The following ZNF503 variants were observed in gnomAD, a reference collection of about 807,000 sequenced individuals.
ZNF503 encodes the protein zinc finger protein 503.
A neutral mutation model predicts 34.4 loss-of-function variants in ZNF503; 15 were observed. The ratio of observed to expected loss-of-function variants is 0.44; its 90% CI spans 0.29 to 0.67. The LOEUF (loss-of-function observed/expected upper bound fraction) is 0.67, where lower values mean the gene tolerates loss of function less well. Among genes scored for constraint, ZNF503 ranks in the 30% least tolerant of loss-of-function variants. The probability of loss-of-function intolerance (pLI) is 0.13; values close to 1 mark genes in which losing one functional copy is unlikely to be tolerated. For missense variants in ZNF503, 1,007 were observed against 926.8 expected, an observed-to-expected ratio of 1.09 and a Z score of -1.12; for synonymous variants, 580 against 456.8, an observed-to-expected ratio of 1.27 and a Z score of -3.44.
At chr10:75,353,912 A>C in the ZNF503 span, among the ~76,000 whole-genome samples, 1 of 152,214 alleles carries the variant, frequency 6.6e-6, no homozygotes, top group African/African-American at 2.4e-5. Context: ...CTGCTGCCAA[A>C]GTGAGCTCAG....
chr10:75,328,411 A>G, the ZNF503 span, among the ~76,000 whole-genome samples: 4 of 152,216 alleles, frequency 2.6e-5, no homozygotes, highest in Non-Finnish European at 2.9e-5. Context: ...GTAAACACAT[A>G]TATTTATTTC....
the ZNF503 span, among the ~76,000 whole-genome samples, chr10:75,363,223 C>A: frequency 6.6e-6 from 1 of 152,190 alleles, no homozygotes; most frequent in African/African-American, 2.4e-5. Context: ...GTCACAGCCC[C>A]CAGCCCGGGA....
chr10:75,393,662 G>T (rs758126383), downstream of ZNF503, among the ~76,000 whole-genome samples: 23 of 152,158 alleles, frequency 1.5e-4, no homozygotes, highest in Non-Finnish European at 2.8e-4. Context: ...TTTGAGACCA[G>T]CCTGGCCAAC....
chr10:75,398,869 C>T lies in ZNF503; in HGVS notation c.1821G>A (p.Lys607=), dbSNP rs773426727. 2.6e-6 allele frequency: 4 copies of T among 1,517,224 alleles called. No individual in the cohort carries two copies. Among genetic ancestry groups the T allele is most frequent in the East Asian group, 4.6e-5 (2 of 43,316 alleles). The allele number at this position is 1,517,224 out of a possible 1,614,324, so 94.0% of individuals were successfully genotyped here. Residue 607 remains lysine (K), a synonymous_variant, in exon 2 of 2, where the codon AAG becomes AAA. Coordinates refer to ENST00000372524, the MANE Select transcript of ZNF503 (RefSeq NM_032772.6). ...GLSSRYHPYS[K]SPLPTPGAPV... ...GGGCGCCAGGCGTGGGAAGCGGGCT[C>T]TTGGAGTAGGGGTGGTAGCGGCTGC...
chr10:75,335,454 G>T, the ZNF503 span, among the ~76,000 whole-genome samples: 7 of 152,150 alleles, frequency 4.6e-5, no homozygotes, highest in African/African-American at 1.7e-4. Context: ...AAACTCTTGA[G>T]AACCCAGCCA....
At chr10:75,306,173 A>C in the ZNF503 span, among the ~76,000 whole-genome samples, 11 of 152,128 alleles carry the variant, frequency 7.2e-5, no homozygotes, top group African/African-American at 2.7e-4. Context: ...AAGGGTTTCA[A>C]TTTCTCCACA....
the ZNF503 span, among the ~76,000 whole-genome samples, chr10:75,342,661 G>A: frequency 1.3e-5 from 2 of 149,338 alleles, no homozygotes; most frequent in Non-Finnish European, 3.0e-5. Flanking sequence ...GCCTCCCGGT[G>A]GTGGGGCGGG....
At chr10:75,330,059 A>G in the ZNF503 span, among the ~76,000 whole-genome samples, 1 of 152,226 alleles carries the variant, frequency 6.6e-6, no homozygotes, top group Non-Finnish European at 1.5e-5. Context: ...AGCTTTAATT[A>G]TGAATGAATG....
the ZNF503 span, among the ~76,000 whole-genome samples, chr10:75,391,792 C>A: frequency 1.3e-5 from 2 of 151,892 alleles, no homozygotes; most frequent in Admixed American, 1.3e-4. Context: ...TCTTTCCTTC[C>A]TTTTCCTTCC....
chr10:75,307,748 T>G, the ZNF503 span, among the ~76,000 whole-genome samples: 5 of 152,196 alleles, frequency 3.3e-5, no homozygotes, highest in Admixed American at 2.0e-4. Flanking sequence ...TTGAAGCCAA[T>G]ATTCATTTAC....
the ZNF503 span, among the ~76,000 whole-genome samples, chr10:75,322,339 G>T: frequency 6.6e-6 from 1 of 151,948 alleles, no homozygotes; most frequent in African/African-American, 2.4e-5. Flanking sequence ...GGCCAGGATG[G>T]TCTCTATCTC....
At chr10:75,378,939 G>T in the ZNF503 span, among the ~76,000 whole-genome samples, 1 of 152,010 alleles carries the variant, frequency 6.6e-6, no homozygotes, top group African/African-American at 2.4e-5. Flanking sequence ...CCACAAGAAG[G>T]TCCCTGTTTC....
At chr10:75,390,226 G>A in the ZNF503 span, among the ~76,000 whole-genome samples, 5 of 152,074 alleles carry the variant, frequency 3.3e-5, no homozygotes, top group Non-Finnish European at 7.4e-5. Context: ...GAGGCAGGTA[G>A]GTTTAATATG....
At chr10:75,374,315 A>AAAAC in the ZNF503 span, among the ~76,000 whole-genome samples, 5 of 152,234 alleles carry the variant, frequency 3.3e-5, no homozygotes, top group African/African-American at 1.2e-4. Context: ...CAACAACAAA[A>AAAAC]AAACAAACAA....
At chr10:75,349,660 C>G in the ZNF503 span, among the ~76,000 whole-genome samples, 1 of 152,160 alleles carries the variant, frequency 6.6e-6, no homozygotes, top group Non-Finnish European at 1.5e-5. Flanking sequence ...ACCATTGCAG[C>G]CGACTACTGT....
the ZNF503 span, among the ~76,000 whole-genome samples, chr10:75,380,237 A>T: frequency 6.6e-6 from 1 of 152,176 alleles, no homozygotes; most frequent in Non-Finnish European, 1.5e-5. Flanking sequence ...TTTCCGGAAT[A>T]CCTAAGAGGT....
the ZNF503 span, among the ~76,000 whole-genome samples, chr10:75,330,274 T>C: frequency 2.0e-5 from 3 of 152,212 alleles, no homozygotes; most frequent in Admixed American, 6.5e-5. Context: ...TTATTGAGTA[T>C]TTTGCATCTG....
chr10:75,280,606 T>G, the ZNF503 span, among the ~76,000 whole-genome samples: 2 of 151,074 alleles, frequency 1.3e-5, no homozygotes, highest in African/African-American at 2.4e-5. Context: ...AACACTGTGT[T>G]TTCATTCATC....
chr10:75,363,238 G>A, the ZNF503 span, among the ~76,000 whole-genome samples: 1 of 152,310 alleles, frequency 6.6e-6, no homozygotes, highest in Admixed American at 6.5e-5. Context: ...CCGGGAGACA[G>A]GCCCAGGATG....
Sources: gnomAD v4.1 joint callset for allele counts (sites outside exome capture counted in the v4.1 genomes callset) on GRCh38, gnomAD v4.1.1 for gene constraint, MANE v1.5 for transcripts, NCBI Gene and HGNC (gene_info 2026-07-23, HGNC 2026-07-21) for gene names.